LRRC37A2: variants seen among roughly 807,000 people sequenced by gnomAD.
LRRC37A2 encodes leucine-rich repeat-containing protein 37A2.
LRRC37A2 carries 9 observed loss-of-function variants against 68.8 expected under a neutral mutation model. The ratio of observed to expected loss-of-function variants is 0.13; its 90% CI spans 0.08 to 0.23. The LOEUF (loss-of-function observed/expected upper bound fraction) is 0.23, where lower values mean the gene tolerates loss of function less well. LRRC37A2 is among the 10% of genes least tolerant of loss of function. The probability of loss-of-function intolerance (pLI) is 1.00; values close to 1 mark genes in which losing one functional copy is unlikely to be tolerated. For synonymous variants in LRRC37A2, 63 were observed against 367.6 expected, an observed-to-expected ratio of 0.17 and a Z score of 9.48; for missense variants, 168 against 950.4, an observed-to-expected ratio of 0.18 and a Z score of 10.82.
chr17:47,021,588 A>G, the LRRC37A2 span: 1 of 517,722 alleles, frequency 1.9e-6, no homozygotes, highest in East Asian at 3.0e-5. Context: ...TTACATTCAA[A>G]GTAATTAACT....
the LRRC37A2 span, among the ~76,000 whole-genome samples, chr17:46,909,437 A>G: frequency 1.3e-5 from 2 of 152,252 alleles, no homozygotes; most frequent in South Asian, 4.1e-4. Flanking sequence ...ATTTAATCCA[A>G]TACAGATGAA....
chr17:46,872,887 G>A, the LRRC37A2 span: 393,687 of 1,254,948 alleles, frequency 0.31, 64,409 homozygotes, highest in East Asian at 0.52. Flanking sequence ...AGGCCACACT[G>A]CCCTTCCTGC....
At chr17:46,931,704 G>A in the LRRC37A2 span, 1 of 333,544 alleles carries the variant, frequency 3.0e-6, no homozygotes, top group African/African-American at 2.2e-5. Context: ...CTTTGTGGAT[G>A]CTTTACCTCA....
the LRRC37A2 span, among the ~76,000 whole-genome samples, chr17:46,856,332 C>T: frequency 4.6e-5 from 7 of 152,290 alleles, no homozygotes; most frequent in African/African-American, 7.2e-5. Flanking sequence ...GTGCTAAGTG[C>T]TCAGTCCAGG....
chr17:46,856,251 A>G, the LRRC37A2 span, among the ~76,000 whole-genome samples: 1 of 152,256 alleles, frequency 6.6e-6, no homozygotes, highest in African/African-American at 2.4e-5. Flanking sequence ...GAGAATACCT[A>G]TCTGAGAGGT....
the LRRC37A2 span, chr17:46,940,407 A>T: frequency 1.3e-6 from 2 of 1,581,018 alleles, no homozygotes; most frequent in African/African-American, 1.3e-5. Context: ...CAGCATCTTT[A>T]GACCTAGATC....
the LRRC37A2 span, among the ~76,000 whole-genome samples, chr17:46,751,853 G>A: frequency 1.3e-5 from 2 of 152,130 alleles, no homozygotes; most frequent in Non-Finnish European, 2.9e-5. Flanking sequence ...TTTTCATTTA[G>A]GGAGCCACTA....
chr17:46,877,593 G>T, the LRRC37A2 span, among the ~76,000 whole-genome samples: 2 of 152,142 alleles, frequency 1.3e-5, no homozygotes, highest in Non-Finnish European at 2.9e-5. Context: ...CACTCCCAGC[G>T]CAGAGGAGGA....
the LRRC37A2 span, among the ~76,000 whole-genome samples, chr17:46,918,456 A>G: frequency 6.6e-6 from 1 of 152,172 alleles, no homozygotes; most frequent in Non-Finnish European, 1.5e-5. Context: ...CAAAACCTAG[A>G]TACAGTCCTG....
chr17:46,718,905 G>A, the LRRC37A2 span, among the ~76,000 whole-genome samples: 1 of 152,060 alleles, frequency 6.6e-6, no homozygotes, highest in East Asian at 1.9e-4. Flanking sequence ...TCAGAAGTGG[G>A]ATTGCTAAGG....
chr17:46,872,837 G>A, the LRRC37A2 span: 1 of 1,494,906 alleles, frequency 6.7e-7, no homozygotes, highest in East Asian at 2.3e-5. Context: ...GGAGGAGGCT[G>A]GGAGAGGCTG....
chr17:46,718,490 C>T, the LRRC37A2 span, among the ~76,000 whole-genome samples: 1 of 152,090 alleles, frequency 6.6e-6, no homozygotes, highest in African/African-American at 2.4e-5. Context: ...TGCATGTACT[C>T]CATAAATATG....
At chr17:46,900,679 G>A in the LRRC37A2 span, among the ~76,000 whole-genome samples, 3 of 152,316 alleles carry the variant, frequency 2.0e-5, no homozygotes, top group Non-Finnish European at 2.9e-5. Flanking sequence ...ACTGCACTGT[G>A]TTCAGCAGTA....
the LRRC37A2 span, among the ~76,000 whole-genome samples, chr17:46,999,868 G>A: frequency 6.5e-3 from 983 of 150,508 alleles, 9 homozygotes; most frequent in Non-Finnish European, 0.011. Context: ...GTGTGGTGGC[G>A]TGTGTCTGTA....
chr17:46,824,847 C>G, the LRRC37A2 span, among the ~76,000 whole-genome samples: 1 of 152,168 alleles, frequency 6.6e-6, no homozygotes, highest in Admixed American at 6.5e-5. Flanking sequence ...CAACTCCAAC[C>G]CACCCCAGCT....
the LRRC37A2 span, among the ~76,000 whole-genome samples, chr17:46,958,210 A>G: frequency 6.6e-6 from 1 of 152,234 alleles, no homozygotes; most frequent in African/African-American, 2.4e-5. Context: ...AGGCCAACCA[A>G]CTTGGAGGGC....
chr17:46,983,881 A>G, the LRRC37A2 span, among the ~76,000 whole-genome samples: 43 of 152,266 alleles, frequency 2.8e-4, no homozygotes, highest in Non-Finnish European at 5.7e-4. Flanking sequence ...GGGAGGGGCC[A>G]TTGGCTTCCA....
At chr17:46,754,360 TC>T in the LRRC37A2 span, among the ~76,000 whole-genome samples, 1 of 151,502 alleles carries the variant, frequency 6.6e-6, no homozygotes, top group African/African-American at 2.4e-5. Context: ...GAAAAAAAAA[TC>T]CGTGGTTGGA....
At chr17:46,876,785 C>T in the LRRC37A2 span, 2 of 1,472,222 alleles carry the variant, frequency 1.4e-6, no homozygotes, top group Non-Finnish European at 1.8e-6. Context: ...AGCTGCCCAG[C>T]CGGCCCTCTG....
Sources: allele counts gnomAD v4.1 joint callset (sites outside exome capture counted in the v4.1 genomes callset), GRCh38; gene constraint gnomAD v4.1.1; transcripts MANE v1.5; gene names NCBI Gene and HGNC (gene_info 2026-07-23, HGNC 2026-07-21).